The following PRELID2 variants were observed in gnomAD, a reference collection of about 807,000 sequenced individuals.
PRELID2 encodes the protein PRELI domain-containing protein 2.
A neutral mutation model predicts 28.4 loss-of-function variants in PRELID2; 25 were observed. The observed-to-expected ratio is 0.88, with a 90% CI of 0.64 to 1.23. The LOEUF (loss-of-function observed/expected upper bound fraction) is 1.23. Ranked by LOEUF, PRELID2 falls within the 50% of genes most tolerant of loss-of-function variation. PRELID2 has a pLI of 0.00. For missense variants in PRELID2, 201 were observed against 214.4 expected (o/e 0.94, Z 0.39); for synonymous variants, 76 against 71.6 (o/e 1.06, Z -0.31).
In PRELID2 at chr5:145,551,400, C is replaced by CTAAATAAA. The variant is rs10574544; in HGVS notation, n.71-78093_71-78086dup. Among the ~76,000 whole-genome samples, 504 of 148,020 alleles carry CTAAATAAA rather than the reference C, an allele frequency of 3.4e-3. 3 individuals carry two copies. The highest frequency in any genetic ancestry group is 9.2e-3 in the African/African-American group (358 of 39,092). Reference sequence around the variant, plus strand: ...TGGGTGACAAAGCAAGACTCAGTCTCTAAATAAATAAATAAATAAATAAAT... The same window carrying CTAAATAAA: ...TGGGTGACAAAGCAAGACTCAGTCTCTAAATAAATAAATAAATAAATAAATAAATAAAT... On this transcript the variant is annotated intron_variant and non_coding_transcript_variant, in intron 1 of 2. Transcript: ENST00000510259.
chr5:145,506,016 G>A (rs752402141), intron 1 of PRELID2, among the ~76,000 whole-genome samples: 1 of 152,176 alleles, frequency 6.6e-6, no homozygotes, highest in African/African-American at 2.4e-5. Flanking sequence ...GAGTTACCAA[G>A]AGGATTCTAG....
intron 1 of PRELID2, among the ~76,000 whole-genome samples, chr5:145,629,236 A>G (rs1347491590): frequency 6.6e-6 from 1 of 152,222 alleles, no homozygotes; most frequent in African/African-American, 2.4e-5. Context: ...ACAAGTGTCA[A>G]GAAGAGATTC....
chr5:145,815,661 A>G (rs1279519146), intron 4 of PRELID2, among the ~76,000 whole-genome samples: 1 of 152,216 alleles, frequency 6.6e-6, no homozygotes, highest in Non-Finnish European at 1.5e-5. Context: ...GACCCATACA[A>G]TATGTGGCCT....
intron 1 of PRELID2, among the ~76,000 whole-genome samples, chr5:145,546,634 A>C (rs916723284): frequency 1.3e-5 from 2 of 152,192 alleles, no homozygotes; most frequent in Admixed American, 6.5e-5. Context: ...AGGAACCCTA[A>C]ATTGGCTCCA....
the PRELID2 span, among the ~76,000 whole-genome samples, chr5:145,309,680 C>CA: frequency 6.6e-6 from 1 of 152,164 alleles, no homozygotes. Context: ...CTTCCTATCT[C>CA]ACTTATCTTT....
At chr5:145,521,192 T>C (rs940115858) in intron 1 of PRELID2, among the ~76,000 whole-genome samples, 1 of 152,208 alleles carries the variant, frequency 6.6e-6, no homozygotes, top group African/African-American at 2.4e-5. Flanking sequence ...CATTCTTTTG[T>C]GGCATATTTA....
At chr5:145,649,978 C>T (rs947980733) in intron 1 of PRELID2, among the ~76,000 whole-genome samples, 3 of 152,046 alleles carry the variant, frequency 2.0e-5, no homozygotes, top group Non-Finnish European at 2.9e-5. Flanking sequence ...TTATATATTA[C>T]ACATGAGAAA....
At chr5:145,789,369 C>T (rs775325790) in intron 5 of PRELID2, among the ~76,000 whole-genome samples, 7 of 151,992 alleles carry the variant, frequency 4.6e-5, no homozygotes, top group African/African-American at 9.7e-5. Flanking sequence ...TTGATTTTCA[C>T]GGAAGATGCC....
At chr5:145,310,232 G>A in the PRELID2 span, among the ~76,000 whole-genome samples, 1 of 152,156 alleles carries the variant, frequency 6.6e-6, no homozygotes, top group African/African-American at 2.4e-5. Flanking sequence ...GGCAAATATA[G>A]TCAATTATCA....
At chr5:145,517,270 G>A (rs958675351) in intron 1 of PRELID2, among the ~76,000 whole-genome samples, 2 of 150,794 alleles carry the variant, frequency 1.3e-5, no homozygotes, top group African/African-American at 4.9e-5. Context: ...GAATCTACAA[G>A]GAAATTAAAG....
At chr5:145,453,300 G>A in the PRELID2 span, among the ~76,000 whole-genome samples, 1 of 152,246 alleles carries the variant, frequency 6.6e-6, no homozygotes, top group South Asian at 2.1e-4. Context: ...AAAATGGCTA[G>A]GCAAGCCCTG....
intron 5 of PRELID2, among the ~76,000 whole-genome samples, chr5:145,790,721 G>GTGTGTGTGTGTGTGTATATA (rs772901344): frequency 1.8e-4 from 20 of 110,902 alleles, no homozygotes; most frequent in Non-Finnish European, 2.8e-4. Flanking sequence ...GTGTGTGTGT[G>GTGTGTGTGTGTGTGTATATA]TATATATATA....
the PRELID2 span, chr5:145,450,982 T>C: frequency 2.0e-5 from 3 of 152,304 alleles, no homozygotes; most frequent in South Asian, 6.2e-4. Context: ...ATTGAGTCAC[T>C]TGACTTGGCC....
the PRELID2 span, among the ~76,000 whole-genome samples, chr5:145,359,716 A>G: frequency 6.6e-6 from 1 of 152,150 alleles, no homozygotes; most frequent in African/African-American, 2.4e-5. Context: ...CTGTTTAAAG[A>G]CTATTATCAG....
intron 1 of PRELID2, among the ~76,000 whole-genome samples, chr5:145,624,940 T>G (rs1008203117): frequency 6.6e-6 from 1 of 152,106 alleles, no homozygotes; most frequent in Admixed American, 6.5e-5. Context: ...AATAGTAATT[T>G]TATAGAAGAG....
chr5:145,314,016 T>C, the PRELID2 span, among the ~76,000 whole-genome samples: 64 of 152,354 alleles, frequency 4.2e-4, no homozygotes, highest in African/African-American at 1.5e-3. Context: ...CCTAGCCATA[T>C]GTACTTATGT....
chr5:145,467,206 A>G (rs1344004805), downstream of PRELID2, among the ~76,000 whole-genome samples: 1 of 152,122 alleles, frequency 6.6e-6, no homozygotes, highest in Non-Finnish European at 1.5e-5. Context: ...CTGGAGAATC[A>G]CTGTTATAAC....
downstream of PRELID2, among the ~76,000 whole-genome samples, chr5:145,470,201 C>G (rs369752063): frequency 2.0e-5 from 3 of 152,060 alleles, no homozygotes; most frequent in East Asian, 1.9e-4. Flanking sequence ...TCTGTCTTAA[C>G]TACTTGACTC....
chr5:145,591,137 C>A (rs2149630981), intron 1 of PRELID2, among the ~76,000 whole-genome samples: 1 of 151,144 alleles, frequency 6.6e-6, no homozygotes, highest in South Asian at 2.1e-4. Flanking sequence ...CTCTACAAAA[C>A]ATAAAAATAT....
Sources: allele counts gnomAD v4.1 joint callset (sites outside exome capture counted in the v4.1 genomes callset), GRCh38; gene constraint gnomAD v4.1.1; transcripts MANE v1.5; gene names NCBI Gene and HGNC (gene_info 2026-07-23, HGNC 2026-07-21).